The following SPIDR variants were observed in gnomAD, a reference collection of about 807,000 sequenced individuals.
SPIDR encodes the protein scaffold protein involved in DNA repair, also known as DNA repair-scaffolding protein.
SPIDR carries 93 observed loss-of-function variants against 104.6 expected under a neutral mutation model. The observed-to-expected ratio is 0.89, with a 90% confidence interval of 0.75 to 1.06. The LOEUF is 1.06. Among genes scored for constraint, SPIDR ranks in the 50% least tolerant of loss-of-function variants. The probability of loss-of-function intolerance (pLI) is 0.00; values close to 1 mark genes in which losing one functional copy is unlikely to be tolerated. For missense variants in SPIDR, 1,154 were observed against 1,111.2 expected (o/e 1.04, Z -0.55); for synonymous variants, 431 against 416.9 (o/e 1.03, Z -0.41).
chr8:47,529,590 A>T (rs1442169215), intron 8 of SPIDR, among the ~76,000 whole-genome samples: 1 of 152,158 alleles, frequency 6.6e-6, no homozygotes, highest in African/African-American at 2.4e-5. Context: ...AAGAAATGTT[A>T]AAAGAAATTA....
At chr8:47,619,833 G>T (rs1186443371) in intron 10 of SPIDR, among the ~76,000 whole-genome samples, 1 of 151,934 alleles carries the variant, frequency 6.6e-6, no homozygotes, top group Non-Finnish European at 1.5e-5. Context: ...ATTAATATTA[G>T]TTACAAAATA....
In SPIDR at chr8:47,351,399, T is replaced by C. The variant is rs1229640543; in HGVS notation, c.526-44977T>C. Among the ~76,000 whole-genome samples, 4 of 152,278 alleles carry C rather than the reference T, an allele frequency of 2.6e-5. No individual in the cohort carries two copies. The East Asian group carries it at 7.7e-4, about 29-fold the overall frequency. ...GGTGAGTTCAGAAAGGAAACTGAGT[T>C]GGGTTTTGAAGACCGAGTGGGATTT... On this transcript the variant is annotated intron_variant, in intron 5 of 19. Transcript: ENST00000297423.
intron 8 of SPIDR, among the ~76,000 whole-genome samples, chr8:47,528,721 A>G (rs569173964): frequency 7.2e-5 from 11 of 152,270 alleles, no homozygotes; most frequent in Non-Finnish European, 1.3e-4. Context: ...AGTGAGCTTG[A>G]AGAAATGTCA....
At chr8:47,506,367 C>T (rs1402539735) in intron 8 of SPIDR, among the ~76,000 whole-genome samples, 7 of 152,194 alleles carry the variant, frequency 4.6e-5, no homozygotes. Flanking sequence ...GGGTCTCACT[C>T]TACCTAGAGG....
chr8:47,320,025 A>C (rs545373436), intron 5 of SPIDR, among the ~76,000 whole-genome samples: 134 of 150,506 alleles, frequency 8.9e-4, no homozygotes, highest in Non-Finnish European at 1.3e-3. Flanking sequence ...CCCTAACATC[A>C]CAATTAAAAG....
chr8:47,519,587 A>G (rs2083712134), intron 8 of SPIDR, among the ~76,000 whole-genome samples: 2 of 152,230 alleles, frequency 1.3e-5, no homozygotes, highest in African/African-American at 4.8e-5. Flanking sequence ...GTTCAGAACT[A>G]GTCTGGGCAA....
intron 8 of SPIDR, among the ~76,000 whole-genome samples, chr8:47,536,947 A>G (rs2087020374): frequency 2.0e-5 from 3 of 152,358 alleles, no homozygotes; most frequent in Non-Finnish European, 2.9e-5. Context: ...TACAGATGGC[A>G]GATAATCACA....
At chr8:47,399,517 G>T (rs1396558792) in intron 6 of SPIDR, among the ~76,000 whole-genome samples, 6 of 152,218 alleles carry the variant, frequency 3.9e-5, no homozygotes, top group African/African-American at 1.4e-4. Context: ...GGTCTGAGGA[G>T]AGAGAATCTG....
At chr8:47,405,316 GTGTGTGTATATA>G (rs1459807423) in intron 6 of SPIDR, among the ~76,000 whole-genome samples, 1 of 151,568 alleles carries the variant, frequency 6.6e-6, no homozygotes, top group Non-Finnish European at 1.5e-5. Flanking sequence ...GTGTGTGTGT[GTGTGTGTATATA>G]TGTGTGTGTG....
intron 8 of SPIDR, among the ~76,000 whole-genome samples, chr8:47,550,169 C>T (rs1478141329): frequency 6.6e-6 from 1 of 152,120 alleles, no homozygotes; most frequent in African/African-American, 2.4e-5. Context: ...GTTACTGTAG[C>T]CTTGTAGTAT....
intron 8 of SPIDR, among the ~76,000 whole-genome samples, chr8:47,538,155 A>G (rs540320839): frequency 9.6e-4 from 146 of 152,248 alleles, no homozygotes; most frequent in African/African-American, 3.4e-3. Context: ...AGCCTGGGCA[A>G]TAGAGCTAGA....
chr8:47,681,653 ACT>A (rs1387905012), intron 11 of SPIDR, among the ~76,000 whole-genome samples: 1 of 152,046 alleles, frequency 6.6e-6, no homozygotes, highest in Non-Finnish European at 1.5e-5. Context: ...AGAATTTATA[ACT>A]CTCTAAGGCT....
intron 17 of SPIDR, among the ~76,000 whole-genome samples, chr8:47,727,911 G>A (rs1327117258): frequency 6.6e-6 from 1 of 152,154 alleles, no homozygotes; most frequent in East Asian, 1.9e-4. Flanking sequence ...AAGGTAAGGA[G>A]ATCCAGACCA....
At chr8:47,576,439 C>CCACACCTGGCCATAAATATCATTT (rs1347405501) in intron 8 of SPIDR, among the ~76,000 whole-genome samples, 2 of 152,076 alleles carry the variant, frequency 1.3e-5, no homozygotes, top group African/African-American at 2.4e-5. Context: ...GCATGAGCCA[C>CCACACCTGGCCATAAATATCATTT]TGGACCCAGC....
At chr8:47,584,266 A>G (rs1389351356) in intron 8 of SPIDR, among the ~76,000 whole-genome samples, 1 of 152,210 alleles carries the variant, frequency 6.6e-6, no homozygotes, top group African/African-American at 2.4e-5. Context: ...ATTAATGCTT[A>G]CCTGTGTAGT....
chr8:47,359,791 T>C (rs1482930711), intron 5 of SPIDR, among the ~76,000 whole-genome samples: 1 of 152,228 alleles, frequency 6.6e-6, no homozygotes, highest in Non-Finnish European at 1.5e-5. Context: ...TGGAATGTGC[T>C]GCCAGCCTCT....
intron 10 of SPIDR, among the ~76,000 whole-genome samples, chr8:47,610,279 T>A (rs748314568): frequency 2.6e-5 from 4 of 152,106 alleles, no homozygotes. Context: ...GATCACACTT[T>A]CCTGTGAGTC....
chr8:47,501,224 T>G (rs1586758922), intron 8 of SPIDR, among the ~76,000 whole-genome samples: 1 of 152,248 alleles, frequency 6.6e-6, no homozygotes, highest in Non-Finnish European at 1.5e-5. Context: ...ATCTATAAAT[T>G]ACCTTGGGCA....
intron 8 of SPIDR, among the ~76,000 whole-genome samples, chr8:47,588,145 A>G (rs1324289822): frequency 2.9e-5 from 4 of 138,706 alleles, no homozygotes; most frequent in East Asian, 2.2e-4. Context: ...CTTTAAGCCT[A>G]TAGATCCATT....
Sources: allele counts gnomAD v4.1 joint callset (sites outside exome capture counted in the v4.1 genomes callset), GRCh38; gene constraint gnomAD v4.1.1; transcripts MANE v1.5; gene names NCBI Gene and HGNC (gene_info 2026-07-23, HGNC 2026-07-21).